NCK1: variants seen among roughly 807,000 people sequenced by gnomAD.
NCK1 encodes NCK adaptor protein 1.
In NCK1, 19 loss-of-function variants were observed where a neutral mutation model predicts 36.6. The ratio of observed to expected loss-of-function variants is 0.52; its 90% confidence interval spans 0.36 to 0.76. NCK1 has a LOEUF of 0.76. NCK1 is among the 30% of genes least tolerant of loss of function. The pLI is 0.00. For synonymous variants in NCK1, 165 were observed against 156.0 expected, an observed-to-expected ratio of 1.06 and a Z score of -0.43; for missense variants, 358 against 445.6, an observed-to-expected ratio of 0.80 and a Z score of 1.77.
At chr3:136,877,767 A>G (rs939229677) in intron 1 of NCK1, among the ~76,000 whole-genome samples, 5 of 152,188 alleles carry the variant, frequency 3.3e-5, no homozygotes, top group African/African-American at 4.8e-5. Context: ...GGCGGGAGCA[A>G]AAGTAGAAAA....
intron 1 of NCK1, among the ~76,000 whole-genome samples, chr3:136,873,075 A>T (rs1576942534): frequency 6.6e-6 from 1 of 152,120 alleles, no homozygotes; most frequent in Non-Finnish European, 1.5e-5. Context: ...GAAGAGGGCC[A>T]CCATCCTCCA....
intron 1 of NCK1, among the ~76,000 whole-genome samples, chr3:136,887,032 C>G (rs931400644): frequency 6.6e-6 from 1 of 151,936 alleles, no homozygotes; most frequent in Non-Finnish European, 1.5e-5. Flanking sequence ...TTAGTAGAGA[C>G]GGGGTTTCAT....
At chr3:136,884,411 A>C (rs1156839756) in intron 1 of NCK1, among the ~76,000 whole-genome samples, 1 of 152,188 alleles carries the variant, frequency 6.6e-6, no homozygotes, top group African/African-American at 2.4e-5. Context: ...GTATAGCTTA[A>C]TGAGAATGAT....
chr3:136,945,447 C>T, intron 2 of NCK1, 136 bp from the exon 3 acceptor site: 1 of 574,900 alleles, frequency 1.7e-6, no homozygotes, highest in Non-Finnish European at 2.8e-6. Context: ...TTTTTAACTA[C>T]ATAGAAATTT....
chr3:136,884,585 C>T (rs1382873620), intron 1 of NCK1, among the ~76,000 whole-genome samples: 3 of 151,994 alleles, frequency 2.0e-5, no homozygotes, highest in Non-Finnish European at 4.4e-5. Flanking sequence ...GGATTAGAGG[C>T]GTGTGGCACT....
intron 1 of NCK1, among the ~76,000 whole-genome samples, chr3:136,912,359 CG>C (rs1939849443): frequency 6.6e-6 from 1 of 151,760 alleles, no homozygotes; most frequent in African/African-American, 2.4e-5. Context: ...GATGGGGTTT[CG>C]CCACGTTTGG....
At position 136,867,165 on chromosome 3, in the gene NCK1, CTTCCTTCCTTCCTTCT is replaced by C. The variant is rs1216536850; in HGVS notation, c.-19+4816_-19+4831del. 2.8e-4 allele frequency among the ~76,000 whole-genome samples: 17 copies of C among 60,114 alleles called. 1 individual carries two copies. In the South Asian group the frequency reaches 4.3e-3, roughly 15 times the overall value. The allele number at this position is 60,114 out of a possible 152,430, so 39.4% of individuals were successfully genotyped here. On this transcript the variant is annotated intron_variant, in intron 1 of 3. Coordinates refer to ENST00000481752, the MANE Select transcript of NCK1 (RefSeq NM_001291999.2). ...CCTTCCTTCCTTCCTTCCTTCCTTC[CTTCCTTCCTTCCTTCT>C]TTCTTTCTTTTCTTTCTTTTCCCTT...
intron 3 of NCK1, chr3:136,946,920 C>A (rs1940844354): frequency 6.6e-6 from 1 of 152,220 alleles, no homozygotes; most frequent in Admixed American, 6.5e-5. Context: ...GTTTCATGGT[C>A]TCTTTTAGAT....
At chr3:136,880,477 G>T (rs1250416935) in intron 1 of NCK1, among the ~76,000 whole-genome samples, 2 of 152,086 alleles carry the variant, frequency 1.3e-5, no homozygotes, top group African/African-American at 4.8e-5. Context: ...AGGGAGCCTA[G>T]AGCAGATTCT....
At chr3:136,907,055 G>A (rs373448360) in intron 1 of NCK1, among the ~76,000 whole-genome samples, 117 of 152,268 alleles carry the variant, frequency 7.7e-4, no homozygotes, top group Non-Finnish European at 1.5e-3. Flanking sequence ...CTGTGGCCTT[G>A]TTACCGGGAA....
chr3:136,928,373 C>A, intron 2 of NCK1, 146 bp downstream of exon 2: 1 of 695,946 alleles, frequency 1.4e-6, no homozygotes. Flanking sequence ...GTGGTCAACC[C>A]AGAAGACCAG....
chr3:136,918,230 C>T (rs1226644712), intron 1 of NCK1, among the ~76,000 whole-genome samples: 2 of 151,890 alleles, frequency 1.3e-5, no homozygotes, highest in Non-Finnish European at 2.9e-5. Flanking sequence ...ATAATATATA[C>T]ATATTATCTC....
rs1310640060 is a variant in NCK1 at position 136,946,027 on chromosome 3, A to C, written c.671A>C (p.Glu224Ala). Residue 224 changes from glutamate to alanine, a missense_variant, in exon 3 of 4, where the codon GAA (glutamate) becomes GCA (alanine). By Grantham distance (107) the Glu-to-Ala change is moderately radical. Transcript: ENST00000481752. ...GTAATGGATGTTATTGAAAAACCTGAAAATGACCCAGAGTGGTGGAAATGC... is the reference window on the plus strand; with the variant it reads ...GTAATGGATGTTATTGAAAAACCTGCAAATGACCCAGAGTGGTGGAAATGC... ...GDVMDVIEKP[E>A]NDPEWWKCRK... 1 of 1,614,072 alleles carries C rather than the reference A, an allele frequency of 6.2e-7. No individual in the cohort carries two copies. The highest frequency in any genetic ancestry group is 2.2e-5 in the East Asian group (1 of 44,862).
intron 1 of NCK1, among the ~76,000 whole-genome samples, chr3:136,891,637 A>G (rs571486901): frequency 6.6e-6 from 1 of 152,300 alleles, no homozygotes; most frequent in African/African-American, 2.4e-5. Flanking sequence ...TGGCTGTACC[A>G]TCTTATCTTC....
chr3:136,917,729 A>G (rs1399357549), intron 1 of NCK1, among the ~76,000 whole-genome samples: 5 of 152,200 alleles, frequency 3.3e-5, no homozygotes, highest in African/African-American at 1.2e-4. Context: ...TTTATTTATA[A>G]CAGTTCTTTC....
intron 1 of NCK1, among the ~76,000 whole-genome samples, chr3:136,863,517 G>A (rs971290296): frequency 6.6e-6 from 1 of 152,078 alleles, no homozygotes; most frequent in Non-Finnish European, 1.5e-5. Context: ...TTCTTAAATA[G>A]GCATCCCATT....
intron 1 of NCK1, among the ~76,000 whole-genome samples, chr3:136,890,821 C>T (rs1054324397): frequency 2.6e-5 from 4 of 152,154 alleles, no homozygotes; most frequent in Admixed American, 2.6e-4. Context: ...ATCACCACCA[C>T]CTGTTTGCAT....
chr3:136,890,274 C>T (rs537725857), intron 1 of NCK1, among the ~76,000 whole-genome samples: 11 of 152,268 alleles, frequency 7.2e-5, no homozygotes, highest in South Asian at 2.1e-4. Context: ...CCGGCAGGGC[C>T]GGCCGGCTGC....
intron 1 of NCK1, among the ~76,000 whole-genome samples, chr3:136,912,519 C>A (rs1288001310): frequency 6.7e-6 from 1 of 149,302 alleles, no homozygotes; most frequent in Non-Finnish European, 1.5e-5. Context: ...GTTGCCCTAT[C>A]ATCACACTTG....
Sources: gnomAD v4.1 joint callset for allele counts (sites outside exome capture counted in the v4.1 genomes callset) on GRCh38, gnomAD v4.1.1 for gene constraint, MANE v1.5 for transcripts, NCBI Gene and HGNC (gene_info 2026-07-23, HGNC 2026-07-21) for gene names.